GNPAT: variants seen among roughly 807,000 people sequenced by gnomAD.
The protein encoded by GNPAT is glyceronephosphate O-acyltransferase.
A neutral mutation model predicts 78.4 loss-of-function variants in GNPAT; 30 were observed. The ratio of observed to expected loss-of-function variants is 0.38; its 90% CI spans 0.29 to 0.52. The LOEUF is 0.52. GNPAT is among the 20% of genes least tolerant of loss of function. The pLI is 0.84. For synonymous variants in GNPAT, 271 were observed against 281.1 expected, an observed-to-expected ratio of 0.96 and a Z score of 0.36; for missense variants, 714 against 812.2, an observed-to-expected ratio of 0.88 and a Z score of 1.47.
intron 2 of GNPAT, among the ~76,000 whole-genome samples, chr1:231,257,631 G>A (rs72752521): frequency 0.055 from 8,399 of 152,114 alleles, 349 homozygotes; most frequent in Non-Finnish European, 0.083. Context: ...GAACCTTCAC[G>A]CTTCTTACCT....
chr1:231,277,370 T>G (rs1571962159), intron 15 of GNPAT, 129 bp from the exon 16 acceptor site: 15 of 721,692 alleles, frequency 2.1e-5, no homozygotes, highest in East Asian at 5.0e-5. Flanking sequence ...TCCCCATGGG[T>G]ACTGGCCAGC....
intron 2 of GNPAT, among the ~76,000 whole-genome samples, chr1:231,260,302 T>C (rs529926924): frequency 6.6e-6 from 1 of 152,332 alleles, no homozygotes; most frequent in Non-Finnish European, 1.5e-5. Flanking sequence ...AAGCCATTTT[T>C]CTTTTAATTT....
intron 3 of GNPAT, among the ~76,000 whole-genome samples, chr1:231,261,954 A>T (rs1378113695): frequency 1.3e-5 from 2 of 152,168 alleles, no homozygotes; most frequent in African/African-American, 2.4e-5. Flanking sequence ...CTGTCAGAGA[A>T]TGTTACAGTG....
intron 3 of GNPAT, 99 bp from the exon 4 acceptor site, chr1:231,262,624 T>A: frequency 1.1e-6 from 1 of 940,312 alleles, no homozygotes; most frequent in South Asian, 1.3e-5. Flanking sequence ...GGATGGGTAT[T>A]CCCTCTAAAT....
chr1:231,267,628 A>G (rs758997624), intron 8 of GNPAT, 52 bp from the exon 9 acceptor site: 61 of 1,035,762 alleles, frequency 5.9e-5, no homozygotes, highest in Non-Finnish European at 8.9e-5. Context: ...TTCCATCCCC[A>G]TTTGTCTAAG....
chr1:231,263,407 T>C (rs1195790174), intron 4 of GNPAT, among the ~76,000 whole-genome samples: 1 of 152,184 alleles, frequency 6.6e-6, no homozygotes, highest in Non-Finnish European at 1.5e-5. Context: ...TTCTACTTTC[T>C]GTCTCTGTGA....
Position 231,271,149 on chromosome 1 carries a change from A to C in GNPAT, c.1522+149A>C, listed in dbSNP as rs1685553944. On this transcript the variant is annotated intron_variant, in intron 10 of 15. Coordinates refer to ENST00000366647, the MANE Select transcript of GNPAT (RefSeq NM_014236.4). ...GAGAAAAAGTTAGCTTTGTTCCCCA[A>C]ATACTTGTTCATCTGCTTCGAATTT... The C allele has an allele frequency of 4.2e-6, 4 of 941,408 alleles. No individual in the cohort carries two copies. The East Asian group carries it at 9.6e-5, about 23-fold the overall frequency. 58.3% of individuals were successfully genotyped at this position (941,408 alleles called of 1,614,324 possible).
In GNPAT at chr1:231,272,387, TA is replaced by T; in HGVS notation, c.1601del (p.Lys534ArgfsTer18). On this transcript the variant is annotated frameshift_variant, in exon 11 of 16. Coordinates refer to ENST00000366647, the MANE Select transcript of GNPAT (RefSeq NM_014236.4). LOFTEE classifies it high-confidence loss of function. ...DEFIFLPGNT[L>X]KDFEEGCYLL... ...TTCATCTTCCTTCCAGGAAACACACTAAAGGTAAAGTGCTTACAACAAAGAG... is the reference window on the plus strand; with the variant it reads ...TTCATCTTCCTTCCAGGAAACACACTAAGGTAAAGTGCTTACAACAAAGAG... The T allele has an allele frequency of 1.3e-6, 2 of 1,533,598 alleles. No individual in the cohort carries two copies. Among genetic ancestry groups the T allele is most frequent in the Non-Finnish European group, 9.0e-7 (1 of 1,107,898 alleles). The allele number at this position is 1,533,598 out of a possible 1,614,324, so 95.0% of individuals were successfully genotyped here. A position where few individuals can be genotyped will look rare whatever the true frequency, so the allele number is the denominator to read the frequency against.
At chr1:231,268,333 ATC>A (rs1327480400) in intron 9 of GNPAT, among the ~76,000 whole-genome samples, 2 of 152,098 alleles carry the variant, frequency 1.3e-5, no homozygotes, top group African/African-American at 4.8e-5. Context: ...AGGACACCAA[ATC>A]TGTTTTTATC....
chr1:231,266,511 A>G (rs1685393861), intron 8 of GNPAT, 104 bp downstream of exon 8: 1 of 951,546 alleles, frequency 1.1e-6, no homozygotes, highest in Non-Finnish European at 1.7e-6. Context: ...ACTTAAGATT[A>G]CAGAGAAAAT....
rs1202361790 is a variant in GNPAT, at chr1:231,266,220, C to T, written c.924+55C>T. 9 of 1,612,820 alleles carry T rather than the reference C, an allele frequency of 5.6e-6. No individual in the cohort carries two copies. In the African/African-American group the frequency reaches 1.2e-4, roughly 22 times the overall value. On this transcript the variant is annotated intron_variant, in intron 7 of 15. Transcript: ENST00000366647. ...GAGAATGTGCTGACTGACACATCAA[C>T]TAATTTCTAAATTTACTGCTTTTCG...
Position 231,270,967 on chromosome 1 carries a change from G to T in GNPAT, c.1489G>T (p.Val497Leu), listed in dbSNP as rs1685549587. The T allele has an allele frequency of 6.2e-7, 1 of 1,614,006 alleles. No individual in the cohort carries two copies. The highest frequency in any genetic ancestry group is 1.3e-5 in the African/African-American group (1 of 74,930). The change falls in exon 10 of 16, where the codon GTA becomes TTA. Residue 497 changes from valine to leucine, a missense_variant. Transcript: ENST00000366647. ...TTTTGTGCGCCCATCCTTAGTAGCAGTAGCATTGCAGATGACACCAGGGTT... is the reference window on the plus strand; with the variant it reads ...TTTTGTGCGCCCATCCTTAGTAGCATTAGCATTGCAGATGACACCAGGGTT... Reference protein sequence around the residue: ...NIFVRPSLVAVALQMTPGFRK... With the variant: ...NIFVRPSLVALALQMTPGFRK...
intron 15 of GNPAT, among the ~76,000 whole-genome samples, chr1:231,276,911 A>G (rs1486501488): frequency 6.6e-6 from 1 of 152,146 alleles, no homozygotes; most frequent in East Asian, 1.9e-4. Context: ...CTGTTTTTGT[A>G]CCTAATCTTA....
chr1:231,276,038 G>A, intron 14 of GNPAT, 97 bp from the exon 15 acceptor site: 1 of 693,596 alleles, frequency 1.4e-6, no homozygotes, highest in Non-Finnish European at 2.7e-6. Flanking sequence ...GAAGGCAATT[G>A]AAAAGTAGTC....
intron 1 of GNPAT, among the ~76,000 whole-genome samples, chr1:231,247,342 A>T (rs2102798064): frequency 6.6e-6 from 1 of 152,300 alleles, no homozygotes; most frequent in African/African-American, 2.4e-5. Flanking sequence ...GGAGTACAGA[A>T]ATGTATAGGA....
At position 231,265,516 on chromosome 1, in the gene GNPAT, A is replaced by G. The variant is rs1473077178; in HGVS notation, c.696+96A>G. 2.3e-5 allele frequency: 26 copies of G among 1,139,848 alleles called. No homozygotes were observed. In the East Asian group the frequency reaches 5.8e-4, roughly 26 times the overall value. 70.6% of individuals were successfully genotyped at this position (1,139,848 alleles called of 1,614,324 possible). ...TAACTTCTGAATAGAACACTTAGCTATTTTGCTTTCCCTCAAGAACTGCTT... is the reference window on the plus strand; with the variant it reads ...TAACTTCTGAATAGAACACTTAGCTGTTTTGCTTTCCCTCAAGAACTGCTT... On this transcript the variant is annotated intron_variant, in intron 5 of 15. Coordinates refer to ENST00000366647, the MANE Select transcript of GNPAT (RefSeq NM_014236.4).
chr1:231,263,519 C>G (rs1049556773), intron 4 of GNPAT, among the ~76,000 whole-genome samples: 1 of 152,168 alleles, frequency 6.6e-6, no homozygotes, highest in African/African-American at 2.4e-5. Flanking sequence ...ATCCATGTTG[C>G]AGCATGTGTC....
At chr1:231,258,797 A>AC (rs1553336087) in intron 2 of GNPAT, among the ~76,000 whole-genome samples, 19 of 143,988 alleles carry the variant, frequency 1.3e-4, no homozygotes, top group Non-Finnish European at 1.4e-4. Context: ...CACCCAGCTA[A>AC]TTTTTTTTTT....
intron 4 of GNPAT, among the ~76,000 whole-genome samples, chr1:231,264,666 C>G (rs1685324548): frequency 6.6e-6 from 1 of 152,210 alleles, no homozygotes. Context: ...TGGTAGCAAT[C>G]TTCCTTTCTT....
Sources: gnomAD v4.1 joint callset for allele counts (sites outside exome capture counted in the v4.1 genomes callset) on GRCh38, gnomAD v4.1.1 for gene constraint, MANE v1.5 for transcripts, NCBI Gene and HGNC (gene_info 2026-07-23, HGNC 2026-07-21) for gene names.